The following EPHA3 variants were observed in gnomAD, a reference collection of about 807,000 sequenced individuals.
EPHA3 encodes EPH receptor A3, also known as ephrin type-A receptor 3.
In EPHA3, 42 loss-of-function variants were observed where a neutral mutation model predicts 107.1. The observed-to-expected ratio is 0.39, with a 90% CI of 0.31 to 0.51. The LOEUF (loss-of-function observed/expected upper bound fraction) is 0.51, where lower values mean the gene tolerates loss of function less well. EPHA3 is among the 20% of genes least tolerant of loss of function. EPHA3 has a pLI of 0.78. For synonymous variants in EPHA3, 461 were observed against 424.8 expected, an observed-to-expected ratio of 1.09 and a Z score of -1.05; for missense variants, 1,183 against 1,211.2, an observed-to-expected ratio of 0.98 and a Z score of 0.35.
At chr3:89,402,898 G>C (rs2107512601) in intron 7 of EPHA3, among the ~76,000 whole-genome samples, 1 of 152,136 alleles carries the variant, frequency 6.6e-6, no homozygotes, top group Admixed American at 6.5e-5. Context: ...GGCTGGTCTT[G>C]AACTCCTGAC....
intron 3 of EPHA3, among the ~76,000 whole-genome samples, chr3:89,295,383 GC>G (rs376429666): frequency 0.51 from 76,694 of 151,590 alleles, 20,581 homozygotes; most frequent in African/African-American, 0.69. Context: ...CTGAAGGGTG[GC>G]ACCCTTCAGC....
intron 2 of EPHA3, among the ~76,000 whole-genome samples, chr3:89,163,511 A>C (rs974511538): frequency 2.6e-5 from 4 of 152,194 alleles, no homozygotes; most frequent in African/African-American, 4.8e-5. Context: ...TTATAATAGC[A>C]ATACCTCATA....
rs1030118592 is a variant in EPHA3, at chr3:89,359,802, C to CAT, written c.1306+17720_1306+17721dup. ...ATATACATATATATACATATATACA[C>CAT]ATATATATACATATATATACATATA... On this transcript the variant is annotated intron_variant, in intron 5 of 16. Transcript: ENST00000336596. Among the ~76,000 whole-genome samples the CAT allele has an allele frequency of 5.7e-5, 8 of 141,382 alleles. No homozygotes were observed. In the East Asian group the frequency reaches 6.2e-4, roughly 11 times the overall value. 92.8% of individuals were successfully genotyped at this position (141,382 alleles called of 152,430 possible). A position where few individuals can be genotyped will look rare whatever the true frequency, so the allele number is the denominator to read the frequency against.
At chr3:89,312,923 T>A (rs151204168) in intron 3 of EPHA3, among the ~76,000 whole-genome samples, 16 of 152,188 alleles carry the variant, frequency 1.1e-4, no homozygotes, top group African/African-American at 3.6e-4. Flanking sequence ...TCTTGTTATT[T>A]TTTATGGCTG....
intron 1 of EPHA3, among the ~76,000 whole-genome samples, chr3:89,125,321 A>G (rs1559742081): frequency 6.6e-6 from 1 of 151,852 alleles, no homozygotes; most frequent in South Asian, 2.1e-4. Context: ...AATGATTGGT[A>G]TCACACAACT....
At chr3:89,135,843 A>G (rs1213209057) in intron 2 of EPHA3, among the ~76,000 whole-genome samples, 1 of 151,990 alleles carries the variant, frequency 6.6e-6, no homozygotes, top group African/African-American at 2.4e-5. Flanking sequence ...AGAATCCTGT[A>G]AATAAATCCA....
At chr3:89,116,719 T>A (rs1576160019) in intron 1 of EPHA3, among the ~76,000 whole-genome samples, 1 of 132,570 alleles carries the variant, frequency 7.5e-6, no homozygotes, top group Non-Finnish European at 1.6e-5. Flanking sequence ...ACTGTAACAT[T>A]AAAAAAAAAA....
Position 89,450,239 on chromosome 3 carries a change from G to C in EPHA3, c.2559G>C (p.Leu853Phe), listed in dbSNP as rs2107555046. Residue 853 changes from leucine (L) to phenylalanine (F), a missense_variant, in exon 15 of 17, where the codon TTG (leucine) becomes TTC (phenylalanine). Leu to Phe is a conservative substitution (Grantham distance 22). Coordinates refer to ENST00000336596, the MANE Select transcript of EPHA3 (RefSeq NM_005233.6). ...CCCCCATGGACTGCCCAGCTGCCTT[G>C]TATCAGCTGATGCTGGACTGCTGGC... is the stretch of plus-strand genomic sequence containing the variant. ...LPPPMDCPAA[L>F]YQLMLDCWQK... The C allele has an allele frequency of 1.2e-6, 2 of 1,613,856 alleles. No homozygotes were observed. The highest frequency in any genetic ancestry group is 1.7e-6 in the Non-Finnish European group (2 of 1,179,872).
At chr3:89,125,593 G>C (rs991364978) in intron 1 of EPHA3, among the ~76,000 whole-genome samples, 4 of 151,464 alleles carry the variant, frequency 2.6e-5, no homozygotes, top group Non-Finnish European at 5.9e-5. Flanking sequence ...CCATGCAGCG[G>C]CTATCTATCT....
Position 89,449,277 on chromosome 3 carries a change from A to G in EPHA3, c.2399A>G (p.Lys800Arg). 1 of 1,612,370 alleles carries G rather than the reference A, an allele frequency of 6.2e-7. No individual in the cohort carries two copies. Among genetic ancestry groups the G allele is most frequent in the South Asian group, 1.1e-5 (1 of 90,858 alleles). The change falls in exon 14 of 17, where the codon AAG becomes AGG. Residue 800 changes from lysine (K) to arginine (R), a missense_variant. Lys to Arg is a conservative substitution (Grantham distance 26). Coordinates refer to ENST00000336596, the MANE Select transcript of EPHA3 (RefSeq NM_005233.6). Reference protein sequence around the residue: ...WTSPEAIAYRKFTSASDVWSY... With the variant: ...WTSPEAIAYRRFTSASDVWSY... ...TCACCAGAAGCTATAGCCTACCGCA[A>G]GTTCACGTCAGCCAGCGATGTATGG...
At chr3:89,448,453 G>T (rs1709922176) in intron 13 of EPHA3, among the ~76,000 whole-genome samples, 3 of 152,008 alleles carry the variant, frequency 2.0e-5, no homozygotes, top group African/African-American at 7.2e-5. Flanking sequence ...TTCCTATATG[G>T]TTGACAATCA....
chr3:89,350,025 C>A (rs2107439351), intron 5 of EPHA3, among the ~76,000 whole-genome samples: 1 of 150,596 alleles, frequency 6.6e-6, no homozygotes, highest in South Asian at 2.1e-4. Context: ...GGTAACCTGA[C>A]CTTTCTCTCT....
At chr3:89,466,827 T>C (rs1409131291) in intron 15 of EPHA3, among the ~76,000 whole-genome samples, 1 of 142,972 alleles carries the variant, frequency 7.0e-6, no homozygotes, top group African/African-American at 2.6e-5. Flanking sequence ...ACCGGAGCTG[T>C]TCCTATTCGG....
At chr3:89,261,942 A>G (rs1210398739) in intron 3 of EPHA3, among the ~76,000 whole-genome samples, 1 of 151,794 alleles carries the variant, frequency 6.6e-6, no homozygotes, top group Non-Finnish European at 1.5e-5. Flanking sequence ...ATATGAACAC[A>G]CACATTTATT....
chr3:89,190,318 A>G (rs1705679085), intron 2 of EPHA3, among the ~76,000 whole-genome samples: 1 of 150,620 alleles, frequency 6.6e-6, no homozygotes, highest in African/African-American at 2.4e-5. Context: ...ACTCTCTTCA[A>G]ACTCGTTGTT....
intron 1 of EPHA3, among the ~76,000 whole-genome samples, chr3:89,126,253 A>G (rs1704094922): frequency 6.6e-6 from 1 of 151,722 alleles, no homozygotes; most frequent in Non-Finnish European, 1.5e-5. Context: ...TTAGTCAATC[A>G]TGGGATTGTT....
At chr3:89,109,035 T>C (rs1451906633) in intron 1 of EPHA3, among the ~76,000 whole-genome samples, 1 of 152,142 alleles carries the variant, frequency 6.6e-6, no homozygotes, top group Non-Finnish European at 1.5e-5. Flanking sequence ...ACAAAATACT[T>C]AGAAAGTTTT....
chr3:89,237,809 T>C (rs1432724894), intron 3 of EPHA3, among the ~76,000 whole-genome samples: 1 of 151,864 alleles, frequency 6.6e-6, no homozygotes, highest in Non-Finnish European at 1.5e-5. Flanking sequence ...CTACAAAAAA[T>C]AAAACAAAAT....
chr3:89,397,466 A>C (rs1708872082), intron 6 of EPHA3, among the ~76,000 whole-genome samples: 1 of 152,202 alleles, frequency 6.6e-6, no homozygotes, highest in African/African-American at 2.4e-5. Flanking sequence ...CCTAACATTT[A>C]GATCTATGAG....
Sources: gnomAD v4.1 joint callset for allele counts (sites outside exome capture counted in the v4.1 genomes callset) on GRCh38, gnomAD v4.1.1 for gene constraint, MANE v1.5 for transcripts, NCBI Gene and HGNC (gene_info 2026-07-23, HGNC 2026-07-21) for gene names.